The following ECT2L variants were observed in gnomAD, a reference collection of about 807,000 sequenced individuals.
ECT2L encodes epithelial cell-transforming sequence 2 oncogene-like.
ECT2L carries 126 observed loss-of-function variants against 122.8 expected under a neutral mutation model. The ratio of observed to expected loss-of-function variants is 1.03; its 90% CI spans 0.89 to 1.19. The LOEUF (loss-of-function observed/expected upper bound fraction) is 1.19. Among genes scored for constraint, ECT2L ranks in the 50% most tolerant of loss-of-function variants. The probability of loss-of-function intolerance (pLI) is 0.00; values close to 1 mark genes in which losing one functional copy is unlikely to be tolerated. For missense variants in ECT2L, 1,012 were observed against 1,064.1 expected (o/e 0.95, Z 0.68); for synonymous variants, 385 against 381.8 (o/e 1.01, Z -0.10).
chr6:138,878,667 G>A (rs1213466970), intron 14 of ECT2L, among the ~76,000 whole-genome samples: 4 of 151,864 alleles, frequency 2.6e-5, no homozygotes, highest in South Asian at 4.2e-4. Context: ...GGCTGGTCTC[G>A]AACTCCTGAG....
intron 19 of ECT2L, 52 bp from the exon 20 acceptor site, chr6:138,888,891 T>A (rs1459194383): frequency 5.2e-6 from 5 of 968,744 alleles, no homozygotes; most frequent in Non-Finnish European, 7.1e-6. Context: ...GCAGTAGTAA[T>A]TTTATTTAAA....
intron 1 of ECT2L, among the ~76,000 whole-genome samples, chr6:138,798,044 A>G (rs1341712192): frequency 6.6e-6 from 1 of 152,246 alleles, no homozygotes; most frequent in Non-Finnish European, 1.5e-5. Flanking sequence ...AAAGGATATT[A>G]CAAAGGACAG....
intron 4 of ECT2L, among the ~76,000 whole-genome samples, chr6:138,836,734 A>T (rs982207139): frequency 6.6e-6 from 1 of 152,188 alleles, no homozygotes; most frequent in African/African-American, 2.4e-5. Context: ...GTATATTTAT[A>T]TCAGTATGGA....
intron 16 of ECT2L, among the ~76,000 whole-genome samples, chr6:138,885,022 C>CTTTTTTTT (rs34579502): frequency 8.9e-5 from 7 of 78,886 alleles, no homozygotes; most frequent in South Asian, 4.4e-4. Context: ...AACACACATT[C>CTTTTTTTT]TTTTTTTTTT....
chr6:138,799,066 A>G (rs1331024962), intron 1 of ECT2L, among the ~76,000 whole-genome samples: 1 of 152,170 alleles, frequency 6.6e-6, no homozygotes, highest in Non-Finnish European at 1.5e-5. Flanking sequence ...ATCTGCTGTG[A>G]TTCTGGGAGC....
intron 4 of ECT2L, among the ~76,000 whole-genome samples, chr6:138,834,378 A>C (rs891644382): frequency 1.3e-5 from 2 of 152,208 alleles, no homozygotes; most frequent in Admixed American, 1.3e-4. Flanking sequence ...TTTCTTCTTA[A>C]GATTCATTAT....
In ECT2L at chr6:138,901,322, C is replaced by T. The variant is rs549050445; in HGVS notation, c.2587+202C>T. 5.3e-5 allele frequency among the ~76,000 whole-genome samples: 8 copies of T among 152,314 alleles called. No homozygotes were observed. In the East Asian group the frequency reaches 1.5e-3, roughly 29 times the overall value. On this transcript the variant is annotated intron_variant, in intron 21 of 21. Coordinates refer to ENST00000541398, the MANE Select transcript of ECT2L (RefSeq NM_001077706.3). ...AAAGACAGGGCTTCTGGCATTCAGA[C>T]ATGAACCTTAGACATTAGGAAAACA...
At chr6:138,802,022 C>G (rs964162852) in intron 1 of ECT2L, among the ~76,000 whole-genome samples, 1 of 152,196 alleles carries the variant, frequency 6.6e-6, no homozygotes, top group Non-Finnish European at 1.5e-5. Context: ...TCTGAGGTTA[C>G]GCCACACAAG....
At chr6:138,871,511 A>G (rs1418363642) in intron 13 of ECT2L, among the ~76,000 whole-genome samples, 2 of 152,208 alleles carry the variant, frequency 1.3e-5, no homozygotes, top group Non-Finnish European at 1.5e-5. Flanking sequence ...TGCCGTCATT[A>G]AGACCCATCC....
Position 138,846,660 on chromosome 6 carries a change from C to T in ECT2L, c.886C>T (p.Arg296Trp), listed in dbSNP as rs376022291. 1.7e-5 allele frequency: 27 copies of T among 1,602,066 alleles called. No individual in the cohort carries two copies. In the East Asian group the frequency reaches 2.2e-4, roughly 13 times the overall value. Residue 296 changes from arginine (R) to tryptophan (W), a missense_variant, in exon 8 of 22, where the codon CGG (arginine) becomes TGG (tryptophan). By Grantham distance (101) the Arg-to-Trp change is moderately radical. Coordinates refer to ENST00000541398, the MANE Select transcript of ECT2L (RefSeq NM_001077706.3). ...LRPHFMLISS[R>W]IPAYEMVMES... Reference sequence around the variant, plus strand: ...GCCACACTTCATGTTAATATCATCCCGGATTCCTGCGTATGAGGTAGAGTA... The same window carrying T: ...GCCACACTTCATGTTAATATCATCCTGGATTCCTGCGTATGAGGTAGAGTA...
chr6:138,844,044 G>C (rs1777133241), intron 6 of ECT2L, among the ~76,000 whole-genome samples: 1 of 152,216 alleles, frequency 6.6e-6, no homozygotes, highest in Non-Finnish European at 1.5e-5. Context: ...AAACTGATTA[G>C]AGTTCTCCCA....
At chr6:138,855,266 G>A (rs1777574929) in intron 10 of ECT2L, among the ~76,000 whole-genome samples, 1 of 152,032 alleles carries the variant, frequency 6.6e-6, no homozygotes, top group South Asian at 2.1e-4. Flanking sequence ...CCAGTACTTT[G>A]GGAGGCCAAG....
At chr6:138,885,323 C>T (rs9495281) in intron 16 of ECT2L, among the ~76,000 whole-genome samples, 183 bp from the exon 17 acceptor site, 22,475 of 152,026 alleles carry the variant, frequency 0.15, 1,771 homozygotes, top group African/African-American at 0.17. Flanking sequence ...CCATAGCGCC[C>T]GGCCAACACA....
At chr6:138,902,182 T>C (rs1355257657) in intron 21 of ECT2L, among the ~76,000 whole-genome samples, 2 of 152,218 alleles carry the variant, frequency 1.3e-5, no homozygotes, top group South Asian at 2.1e-4. Context: ...TCTTTATTTA[T>C]AATAACTATC....
intron 21 of ECT2L, 150 bp downstream of exon 21, chr6:138,901,270 A>G: frequency 1.2e-6 from 1 of 839,404 alleles, no homozygotes; most frequent in Non-Finnish European, 1.8e-6. Flanking sequence ...TAAACAATGT[A>G]AACTTTCATC....
At chr6:138,843,254 A>C in intron 6 of ECT2L, 23 bp downstream of exon 6, 1 of 1,544,788 alleles carries the variant, frequency 6.5e-7, no homozygotes, top group Non-Finnish European at 8.7e-7. Flanking sequence ...TTAAACCTTT[A>C]TATCTTAGGT....
chr6:138,888,965 AT>A lies in ECT2L; in HGVS notation c.2349del (p.Leu784Ter). The A allele has an allele frequency of 6.7e-7, 1 of 1,503,654 alleles. No homozygotes were observed. Among genetic ancestry groups the A allele is most frequent in the Non-Finnish European group, 8.9e-7 (1 of 1,117,730 alleles). The allele number at this position is 1,503,654 out of a possible 1,614,324, so 93.1% of individuals were successfully genotyped here. On this transcript the variant is annotated frameshift_variant, in exon 20 of 22. Coordinates refer to ENST00000541398, the MANE Select transcript of ECT2L (RefSeq NM_001077706.3). LOFTEE classifies it high-confidence loss of function. ...GCPTLSEVNR[Y>X]LIRVQDVAQL... ...CAGACTCTATCAGAAGTAAACAGAT[AT>A]CTGATTAGGGTACAAGATGTAGCCC... is the stretch of plus-strand genomic sequence containing the variant.
intron 14 of ECT2L, among the ~76,000 whole-genome samples, chr6:138,878,393 A>G (rs1450567829): frequency 5.3e-5 from 8 of 152,166 alleles, no homozygotes. Flanking sequence ...AGATTGGAAT[A>G]TAAAGATAAC....
chr6:138,876,576 G>A lies in ECT2L; in HGVS notation c.1665+18G>A, dbSNP rs1353262190. On this transcript the variant is annotated intron_variant, in intron 14 of 21. Coordinates refer to ENST00000541398, the MANE Select transcript of ECT2L (RefSeq NM_001077706.3). Reference sequence around the variant, plus strand: ...TTAATCTGGTAAGCTATTATATAATGTAACTTTACCATTGGTTTTGCTCCT... The same window carrying A: ...TTAATCTGGTAAGCTATTATATAATATAACTTTACCATTGGTTTTGCTCCT... The A allele has an allele frequency of 6.5e-7, 1 of 1,527,518 alleles. No individual in the cohort carries two copies. 94.6% of individuals were successfully genotyped at this position (1,527,518 alleles called of 1,614,324 possible).
Sources: gnomAD v4.1 joint callset for allele counts (sites outside exome capture counted in the v4.1 genomes callset) on GRCh38, gnomAD v4.1.1 for gene constraint, MANE v1.5 for transcripts, NCBI Gene and HGNC (gene_info 2026-07-23, HGNC 2026-07-21) for gene names.